The following GLDC variants were observed in gnomAD, a reference collection of about 807,000 sequenced individuals.
GLDC encodes the protein glycine dehydrogenase (decarboxylating), mitochondrial.
GLDC carries 104 observed loss-of-function variants against 121.3 expected under a neutral mutation model. The ratio of observed to expected loss-of-function variants is 0.86; its 90% CI spans 0.73 to 1.01. The LOEUF is 1.01. Ranked by LOEUF, GLDC falls within the 50% of genes least tolerant of loss-of-function variation. GLDC has a pLI of 0.00. For synonymous variants in GLDC, 546 were observed against 480.6 expected (o/e 1.14, Z -1.78); for missense variants, 1,429 against 1,306.6 (o/e 1.09, Z -1.44).
intron 15 of GLDC, among the ~76,000 whole-genome samples, chr9:6,570,128 G>C (rs754562680): frequency 1.3e-5 from 2 of 152,218 alleles, no homozygotes; most frequent in Non-Finnish European, 2.9e-5. Flanking sequence ...CATTTTGCAA[G>C]ACTGCAGAAT....
rs531608644 is a variant in GLDC, at chr9:6,592,743, G to A, written c.1401+108C>T. 317 of 1,029,736 alleles carry A rather than the reference G, an allele frequency of 3.1e-4. 2 individuals carry two copies. The highest frequency in any genetic ancestry group is 9.1e-5 in the Non-Finnish European group (62 of 678,530). 63.8% of individuals were successfully genotyped at this position (1,029,736 alleles called of 1,614,324 possible). A position where few individuals can be genotyped will look rare whatever the true frequency, so the allele number is the denominator to read the frequency against. On this transcript the variant is annotated intron_variant, in intron 10 of 24. Transcript: ENST00000321612. ...CACTTGTTTATGAAAAAATAGGACT[G>A]TGCCTAAAGTTTTCCTTTTTATTTT... is the stretch of plus-strand genomic sequence containing the variant.
rs557012342 is a variant in GLDC at position 6,576,756 on chromosome 9, C to T, written c.1850+10385G>A. 2.9e-3 allele frequency among the ~76,000 whole-genome samples: 448 copies of T among 152,254 alleles called. 4 individuals are homozygous for T. The highest frequency in any genetic ancestry group is 1.0e-2 in the African/African-American group (415 of 41,528). On this transcript the variant is annotated intron_variant, in intron 15 of 24. Coordinates refer to ENST00000321612, the MANE Select transcript of GLDC (RefSeq NM_000170.3). ...TGCTGGGATTACAGGCGTGAACCAC[C>T]GCGTCTGGCCTGGAGTTAGGATTTC...
chr9:6,636,303 C>CAA (rs199905592), intron 2 of GLDC, among the ~76,000 whole-genome samples: 1 of 100,790 alleles, frequency 9.9e-6, no homozygotes, highest in African/African-American at 3.5e-5. Flanking sequence ...GACTCCGTCT[C>CAA]AAAAAAAAAA....
At chr9:6,570,624 C>A (rs1363149832) in intron 15 of GLDC, among the ~76,000 whole-genome samples, 1 of 152,050 alleles carries the variant, frequency 6.6e-6, no homozygotes, top group Non-Finnish European at 1.5e-5. Flanking sequence ...GAGGCTGAGA[C>A]GGGCAGATCA....
intron 2 of GLDC, among the ~76,000 whole-genome samples, chr9:6,630,544 T>A (rs7858498): frequency 0.2 from 29,999 of 152,020 alleles, 2,964 homozygotes; most frequent in South Asian, 0.3. Context: ...CACACTCATA[T>A]TTGAATTTGC....
At position 6,616,458 on chromosome 9, in the gene GLDC, T is replaced by G. The variant is rs183246034; in HGVS notation, c.470+3726A>C. Among the ~76,000 whole-genome samples, 1,175 of 152,334 alleles carry G rather than the reference T, an allele frequency of 7.7e-3. 6 individuals carry two copies. Among genetic ancestry groups the G allele is most frequent in the Non-Finnish European group, 0.013 (869 of 68,030 alleles). ...CTTCTTGTATTAGTCTAGAGGTTTTTGGCACTACTGAAATTAAACAGGTGT... is the reference window on the plus strand; with the variant it reads ...CTTCTTGTATTAGTCTAGAGGTTTTGGGCACTACTGAAATTAAACAGGTGT... On this transcript the variant is annotated intron_variant, in intron 3 of 24. Transcript: ENST00000321612.
intron 2 of GLDC, among the ~76,000 whole-genome samples, chr9:6,629,975 A>T (rs1013461339): frequency 2.5e-5 from 3 of 121,740 alleles, no homozygotes; most frequent in Non-Finnish European, 5.1e-5. Flanking sequence ...TTTTTAAGAG[A>T]GACAAGGTCT....
chr9:6,627,216 A>C lies in GLDC; in HGVS notation c.335-6897T>G, dbSNP rs370454610. ...GAGGCTGAGGCAGGAGAATGGCGTG[A>C]ACCCAGGAGGCAGAGCTTGCAGTGA... On this transcript the variant is annotated intron_variant, in intron 2 of 24. Coordinates refer to ENST00000321612, the MANE Select transcript of GLDC (RefSeq NM_000170.3). 2.7e-5 allele frequency among the ~76,000 whole-genome samples: 4 copies of C among 150,820 alleles called. No homozygotes were observed. The East Asian group carries it at 7.8e-4, about 29-fold the overall frequency.
chr9:6,636,303 C>G (rs1014821019), intron 2 of GLDC, among the ~76,000 whole-genome samples: 1 of 100,824 alleles, frequency 9.9e-6, no homozygotes, highest in African/African-American at 3.5e-5. Context: ...GACTCCGTCT[C>G]AAAAAAAAAA....
intron 8 of GLDC, among the ~76,000 whole-genome samples, chr9:6,596,687 G>A (rs527659617): frequency 6.6e-6 from 1 of 152,322 alleles, no homozygotes; most frequent in East Asian, 1.9e-4. Context: ...AAACCACAGT[G>A]AGATTATCAC....
chr9:6,629,943 A>ATATATATATATATATATATATATATATG (rs1554650756), intron 2 of GLDC, among the ~76,000 whole-genome samples: 2 of 80,656 alleles, frequency 2.5e-5, no homozygotes, highest in Admixed American at 1.3e-4. Context: ...ATATATATAT[A>ATATATATATATATATATATATATATATG]TGTATATATA....
At chr9:6,591,649 A>G (rs1173938782) in intron 11 of GLDC, among the ~76,000 whole-genome samples, 1 of 151,958 alleles carries the variant, frequency 6.6e-6, no homozygotes, top group East Asian at 1.9e-4. Flanking sequence ...CAATGGCGCA[A>G]TCTCAGCTCA....
rs377360776 is a variant in GLDC, at chr9:6,582,555, C to T, written c.1850+4586G>A. ...AGATATAAAGAACTGCTGGGCCGGGCGCGGTGGCTCACGCCTGTAATCCCA... is the reference window on the plus strand; with the variant it reads ...AGATATAAAGAACTGCTGGGCCGGGTGCGGTGGCTCACGCCTGTAATCCCA... On this transcript the variant is annotated intron_variant, in intron 15 of 24. Coordinates refer to ENST00000321612, the MANE Select transcript of GLDC (RefSeq NM_000170.3). Among the ~76,000 whole-genome samples the T allele has an allele frequency of 2.6e-5, 4 of 150,974 alleles. No homozygotes were observed. In the South Asian group the frequency reaches 8.4e-4, roughly 32 times the overall value.
chr9:6,602,168 G>A lies in GLDC; in HGVS notation c.1096C>T (p.Gln366Ter), dbSNP rs1254300059. 1 of 1,613,058 alleles carries A rather than the reference G, an allele frequency of 6.2e-7. No homozygotes were observed. Among genetic ancestry groups the A allele is most frequent in the Non-Finnish European group, 8.5e-7 (1 of 1,179,136 alleles). ...CTCCGAATGTGTTGCTCCCTGGTTT[G>A]AAGAGCAAGACGATACACTTCTTTC... ...TGKEVYRLAL[Q>*]TREQHIRRDK... is the part of the protein sequence containing the mutation. The change falls in exon 8 of 25, where the codon CAA becomes TAA. Residue 366 changes from glutamine to a stop codon, truncating the protein, a stop_gained. Coordinates refer to ENST00000321612, the MANE Select transcript of GLDC (RefSeq NM_000170.3). LOFTEE classifies it high-confidence loss of function.
intron 21 of GLDC, among the ~76,000 whole-genome samples, chr9:6,550,346 G>A (rs2129703349): frequency 6.6e-6 from 1 of 152,298 alleles, no homozygotes; most frequent in Non-Finnish European, 1.5e-5. Context: ...TGGTGTTATG[G>A]CTGGGCGTGG....
At chr9:6,577,650 A>G (rs190990052) in intron 15 of GLDC, among the ~76,000 whole-genome samples, 1 of 152,288 alleles carries the variant, frequency 6.6e-6, no homozygotes, top group East Asian at 1.9e-4. Flanking sequence ...ACCTAGAGAC[A>G]ACTGTTTGAG....
intron 16 of GLDC, 49 bp from the exon 17 acceptor site, chr9:6,558,733 A>T (rs776910723): frequency 6.2e-7 from 1 of 1,605,296 alleles, no homozygotes; most frequent in Non-Finnish European, 8.5e-7. Context: ...TCATCAGACT[A>T]TGAATAATGA....
At chr9:6,553,949 T>A (rs943783541) in intron 19 of GLDC, among the ~76,000 whole-genome samples, 1 of 150,774 alleles carries the variant, frequency 6.6e-6, no homozygotes, top group Non-Finnish European at 1.5e-5. Flanking sequence ...TTACTAGAAA[T>A]AATCATCATC....
chr9:6,603,299 A>T (rs553384193), intron 7 of GLDC, among the ~76,000 whole-genome samples: 1 of 151,952 alleles, frequency 6.6e-6, no homozygotes, highest in African/African-American at 2.4e-5. Flanking sequence ...ATTGCATAAC[A>T]TTAGGTGTTA....
Sources: allele counts gnomAD v4.1 joint callset (sites outside exome capture counted in the v4.1 genomes callset), GRCh38; gene constraint gnomAD v4.1.1; transcripts MANE v1.5; gene names NCBI Gene and HGNC (gene_info 2026-07-23, HGNC 2026-07-21).